TIAM2: variants seen among roughly 807,000 people sequenced by gnomAD.
TIAM2 encodes TIAM Rac1 associated GEF 2, also known as rho guanine nucleotide exchange factor TIAM2.
A neutral mutation model predicts 152.9 loss-of-function variants in TIAM2; 80 were observed. That is an observed-to-expected ratio of 0.52 (90% confidence interval 0.44 to 0.63). The LOEUF is 0.63. Ranked by LOEUF, TIAM2 falls within the 30% of genes least tolerant of loss-of-function variation. The pLI, the probability that TIAM2 is intolerant of heterozygous loss-of-function variation, is 0.00. For synonymous variants in TIAM2, 804 were observed against 838.0 expected, an observed-to-expected ratio of 0.96 and a Z score of 0.70; for missense variants, 1,965 against 2,120.1, an observed-to-expected ratio of 0.93 and a Z score of 1.44.
At chr6:155,077,804 C>T (rs1191963529) in intron 1 of TIAM2, among the ~76,000 whole-genome samples, 2 of 152,136 alleles carry the variant, frequency 1.3e-5, no homozygotes, top group African/African-American at 2.4e-5. Context: ...TGTAGAGAGA[C>T]AGGTAAGTGA....
chr6:155,165,395 CCT>C lies in TIAM2; in HGVS notation c.2348_2349del (p.Pro783LeufsTer7). 1 of 1,612,242 alleles carries C rather than the reference CCT, an allele frequency of 6.2e-7. No individual in the cohort carries two copies. The highest frequency in any genetic ancestry group is 1.1e-5 in the South Asian group (1 of 90,624). On this transcript the variant is annotated frameshift_variant, in exon 9 of 27. Coordinates refer to ENST00000682666, the MANE Select transcript of TIAM2 (RefSeq NM_012454.4). LOFTEE classifies it high-confidence loss of function. ...TLARKGKEKRPSITQVDELLH... is the reference protein window; with the variant it reads ...TLARKGKEKRXSITQVDELLH... ...GGCCAGAAAAGGCAAGGAGAAGAGACCTTCTATAACTCAGGTGAGCTTTTCAG... is the reference window on the plus strand; with the variant it reads ...GGCCAGAAAAGGCAAGGAGAAGAGACTCTATAACTCAGGTGAGCTTTTCAG...
At chr6:155,163,004 G>T (rs1780313255) in intron 7 of TIAM2, among the ~76,000 whole-genome samples, 1 of 152,212 alleles carries the variant, frequency 6.6e-6, no homozygotes, top group Non-Finnish European at 1.5e-5. Flanking sequence ...CTTGGAAAAG[G>T]TCTGGGGAAT....
intron 13 of TIAM2, 136 bp from the exon 14 acceptor site, chr6:155,183,101 C>A: frequency 1.8e-6 from 2 of 1,131,194 alleles, no homozygotes; most frequent in Non-Finnish European, 2.5e-6. Context: ...GCCTGGCTGG[C>A]ACTTTCTTTG....
At chr6:155,248,997 A>G (rs930957838) in intron 20 of TIAM2, among the ~76,000 whole-genome samples, 1 of 152,222 alleles carries the variant, frequency 6.6e-6, no homozygotes, top group African/African-American at 2.4e-5. Flanking sequence ...GCATTTTTGT[A>G]TGACAGTTAA....
chr6:155,126,457 C>T (rs536951989), intron 2 of TIAM2, among the ~76,000 whole-genome samples: 4 of 152,098 alleles, frequency 2.6e-5, no homozygotes, highest in South Asian at 4.2e-4. Flanking sequence ...ATGGGCCAGG[C>T]GCGGTGGCTC....
In TIAM2 at chr6:155,085,430, G is replaced by A. The variant is rs541616288; in HGVS notation, c.-208-4859G>A. Among the ~76,000 whole-genome samples, 10 of 152,082 alleles carry A rather than the reference G, an allele frequency of 6.6e-5. No homozygotes were observed. In the South Asian group the frequency reaches 8.3e-4, roughly 13 times the overall value. Reference sequence around the variant, plus strand: ...TGACCTGCATTGACAGTTGTGCTGCGTACTGTGGGCTTGCACACTGGTTCA... The same window carrying A: ...TGACCTGCATTGACAGTTGTGCTGCATACTGTGGGCTTGCACACTGGTTCA... On this transcript the variant is annotated intron_variant, in intron 1 of 26. Transcript: ENST00000682666.
intron 9 of TIAM2, among the ~76,000 whole-genome samples, chr6:155,171,103 A>T (rs73795338): frequency 0.1 from 15,198 of 152,276 alleles, 857 homozygotes; most frequent in Middle Eastern, 0.16. Flanking sequence ...TAAGTACATT[A>T]CGCCCATTTC....
intron 1 of TIAM2, among the ~76,000 whole-genome samples, chr6:155,060,818 C>G (rs1777561503): frequency 6.6e-6 from 1 of 152,164 alleles, no homozygotes; most frequent in Non-Finnish European, 1.5e-5. Flanking sequence ...TCACTTGATC[C>G]CAGGAGGAGG....
At chr6:155,043,633 CAAAAAAAA>C (rs60093259) in intron 1 of TIAM2, among the ~76,000 whole-genome samples, 1 of 50,250 alleles carries the variant, frequency 2.0e-5, no homozygotes, top group African/African-American at 7.8e-5. Context: ...GACCCTGTCT[CAAAAAAAA>C]AAAAAAAAAA....
At chr6:155,066,937 A>T (rs1777705452) in intron 1 of TIAM2, among the ~76,000 whole-genome samples, 1 of 152,034 alleles carries the variant, frequency 6.6e-6, no homozygotes, top group Non-Finnish European at 1.5e-5. Context: ...TTGTATTTTT[A>T]ATAGAGACAG....
chr6:155,076,494 G>A (rs905131595), intron 1 of TIAM2, among the ~76,000 whole-genome samples: 4 of 152,100 alleles, frequency 2.6e-5, no homozygotes, highest in African/African-American at 4.8e-5. Context: ...TATGGCTTAG[G>A]GGGAAGTACA....
chr6:155,227,453 C>A (rs1782289312), intron 15 of TIAM2, among the ~76,000 whole-genome samples: 1 of 152,206 alleles, frequency 6.6e-6, no homozygotes, highest in Non-Finnish European at 1.5e-5. Context: ...AACTAGCAGG[C>A]CAGTGTGTCC....
intron 7 of TIAM2, among the ~76,000 whole-genome samples, chr6:155,151,257 G>GA (rs1245091828): frequency 6.6e-6 from 1 of 152,166 alleles, no homozygotes; most frequent in East Asian, 1.9e-4. Context: ...CCTGTTTGGG[G>GA]ATCCACCTGT....
At chr6:155,128,284 G>A (rs1374737994) in intron 3 of TIAM2, among the ~76,000 whole-genome samples, 3 of 152,082 alleles carry the variant, frequency 2.0e-5, no homozygotes, top group Non-Finnish European at 4.4e-5. Flanking sequence ...TTTCCCAAAT[G>A]AGAGCTCTTA....
rs1425956188 is a variant in TIAM2, at chr6:155,185,844, CCAT to C, written c.3064+2345_3064+2347del. ...CCGCCCACCTCTGCCCTGAGCTTTA[CCAT>C]TCCTCCCCTCTCCTAAGCTCCAGGT... On this transcript the variant is annotated intron_variant, in intron 14 of 26. Transcript: ENST00000682666. Among the ~76,000 whole-genome samples, 7 of 152,300 alleles carry C rather than the reference CCAT, an allele frequency of 4.6e-5. No homozygotes were observed. The South Asian group carries it at 1.2e-3, about 27-fold the overall frequency.
rs1253199163 is a variant in TIAM2 at position 155,166,484 on chromosome 6, T to C, written c.2361+1075T>C. 2.0e-5 allele frequency among the ~76,000 whole-genome samples: 3 copies of C among 152,056 alleles called. No homozygotes were observed. In the East Asian group the frequency reaches 5.8e-4, roughly 29 times the overall value. On this transcript the variant is annotated intron_variant, in intron 9 of 26. Coordinates refer to ENST00000682666, the MANE Select transcript of TIAM2 (RefSeq NM_012454.4). ...GACTATAGGTGCACACCACCATGCCTGGCTAATTTGTGTATTTTTAGTAGA... is the reference window on the plus strand; with the variant it reads ...GACTATAGGTGCACACCACCATGCCCGGCTAATTTGTGTATTTTTAGTAGA...
At chr6:155,139,711 G>A (rs1779645659) in intron 5 of TIAM2, among the ~76,000 whole-genome samples, 1 of 152,098 alleles carries the variant, frequency 6.6e-6, no homozygotes, top group South Asian at 2.1e-4. Flanking sequence ...AGGCCGAGGC[G>A]GGTGGATCTC....
intron 1 of TIAM2, among the ~76,000 whole-genome samples, chr6:155,032,351 G>T (rs9480019): frequency 0.21 from 31,451 of 152,046 alleles, 3,467 homozygotes; most frequent in Middle Eastern, 0.28. Context: ...TACATTTGGA[G>T]CATGAAGATG....
chr6:155,249,177 T>A (rs1054944227), intron 20 of TIAM2, among the ~76,000 whole-genome samples: 4 of 152,252 alleles, frequency 2.6e-5, no homozygotes, highest in African/African-American at 9.6e-5. Flanking sequence ...TAAAGAATAC[T>A]GAATTTAGAA....
Sources: allele counts gnomAD v4.1 joint callset (sites outside exome capture counted in the v4.1 genomes callset), GRCh38; gene constraint gnomAD v4.1.1; transcripts MANE v1.5; gene names NCBI Gene and HGNC (gene_info 2026-07-23, HGNC 2026-07-21).